The following HKDC1 variants were observed in gnomAD, a reference collection of about 807,000 sequenced individuals.
The protein encoded by HKDC1 is hexokinase domain containing 1.
HKDC1 carries 66 observed loss-of-function variants against 96.6 expected under a neutral mutation model. The observed-to-expected ratio is 0.68, with a 90% CI of 0.56 to 0.84. HKDC1 has a LOEUF of 0.84. HKDC1 is among the 40% of genes least tolerant of loss of function. The pLI, the probability that HKDC1 is intolerant of heterozygous loss-of-function variation, is 0.00. For synonymous variants in HKDC1, 466 were observed against 473.1 expected, an observed-to-expected ratio of 0.98 and a Z score of 0.20; for missense variants, 1,211 against 1,208.1, an observed-to-expected ratio of 1.00 and a Z score of -0.04.
intron 2 of HKDC1, among the ~76,000 whole-genome samples, chr10:69,232,183 G>A (rs988559574): frequency 1.3e-5 from 2 of 152,184 alleles, no homozygotes; most frequent in African/African-American, 4.8e-5. Context: ...GGCTGGGCTG[G>A]GTTGTGTTCC....
intron 5 of HKDC1, 53 bp from the exon 6 acceptor site, chr10:69,240,599 A>G: frequency 7.0e-7 from 1 of 1,420,132 alleles, no homozygotes; most frequent in Non-Finnish European, 9.9e-7. Flanking sequence ...GGAAGGAGGG[A>G]GGGAAACACC....
At chr10:69,248,387 A>G in intron 9 of HKDC1, 37 bp from the exon 10 acceptor site, 1 of 1,526,486 alleles carries the variant, frequency 6.6e-7, no homozygotes, top group Non-Finnish European at 8.8e-7. Flanking sequence ...CCTGGCCTTT[A>G]TGATTGCTAA....
intron 2 of HKDC1, chr10:69,232,488 T>G: frequency 1.1e-5 from 5 of 450,146 alleles, no homozygotes; most frequent in Non-Finnish European, 1.6e-5. Flanking sequence ...TGTGCTCACA[T>G]TTGCCCTCTC....
intron 12 of HKDC1, among the ~76,000 whole-genome samples, chr10:69,255,404 C>CT (rs1245341567): frequency 1.3e-5 from 2 of 152,170 alleles, no homozygotes; most frequent in Non-Finnish European, 1.5e-5. Flanking sequence ...GGCTTGTGGG[C>CT]TAACAGCCTC....
intron 1 of HKDC1, among the ~76,000 whole-genome samples, chr10:69,221,104 C>G (rs1336348036): frequency 6.6e-6 from 1 of 151,940 alleles, no homozygotes; most frequent in Non-Finnish European, 1.5e-5. Context: ...GAGCCGAGAT[C>G]GCGCCATTGC....
rs1476599749 is a variant in HKDC1 at position 69,227,354 on chromosome 10, A to G, written c.211A>G (p.Ile71Val). ...GATGTTGCCCACCTTCGTCAGGGCC[A>G]TTCCCGATGGTTCCGGTGAGTGCAG... ...VKMLPTFVRA[I>V]PDGSENGEFL... is the part of the protein sequence containing the mutation. The change falls in exon 2 of 18, where the codon ATT becomes GTT. Residue 71 changes from isoleucine to valine, a missense_variant. Ile to Val is a conservative substitution (Grantham distance 29, BLOSUM62 3). Transcript: ENST00000354624. 1 of 1,614,062 alleles carries G rather than the reference A, an allele frequency of 6.2e-7. No individual in the cohort carries two copies. The highest frequency in any genetic ancestry group is 2.2e-5 in the East Asian group (1 of 44,890).
chr10:69,255,557 C>T (rs962850417), intron 12 of HKDC1, among the ~76,000 whole-genome samples: 9 of 152,134 alleles, frequency 5.9e-5, no homozygotes, highest in African/African-American at 1.2e-4. Context: ...TGATGGAGTG[C>T]GAGGCTAGAC....
At chr10:69,223,207 G>T (rs978865108) in intron 1 of HKDC1, 1 of 152,202 alleles carries the variant, frequency 6.6e-6, no homozygotes, top group Non-Finnish European at 1.5e-5. Context: ...GAGGTTTTCA[G>T]TGTGTATTTT....
intron 4 of HKDC1, among the ~76,000 whole-genome samples, chr10:69,234,401 T>G (rs946122175): frequency 1.3e-5 from 2 of 152,234 alleles, no homozygotes; most frequent in Admixed American, 1.3e-4. Context: ...TGTTTTCTCT[T>G]TGAGAAAATT....
chr10:69,259,350 A>G (rs1046913219), intron 15 of HKDC1, among the ~76,000 whole-genome samples: 6 of 152,176 alleles, frequency 3.9e-5, no homozygotes, highest in African/African-American at 1.4e-4. Flanking sequence ...GGGAGTGGGG[A>G]AGTGGCCACC....
chr10:69,250,547 T>C lies in HKDC1; in HGVS notation c.1731T>C (p.Ile577=), dbSNP rs1410083034. The C allele has an allele frequency of 1.2e-6, 2 of 1,613,970 alleles. No individual in the cohort carries two copies. The highest frequency in any genetic ancestry group is 2.2e-5 in the East Asian group (1 of 44,890). ...TCTCTCTGCAGCTCTTTGATCACAT[T>C]GTGCAGTGCATCGCCGACTTCCTGG... ...QGTGEELFDH[I]VQCIADFLDY... The change falls in exon 12 of 18, where the codon ATT becomes ATC. Residue 577 remains isoleucine (I), a synonymous_variant. Transcript: ENST00000354624.
chr10:69,239,276 A>G, intron 5 of HKDC1, 139 bp downstream of exon 5: 1 of 610,688 alleles, frequency 1.6e-6, no homozygotes, highest in Non-Finnish European at 2.9e-6. Flanking sequence ...TGATCTTAGA[A>G]AAGGTCCCAC....
intron 17 of HKDC1, 77 bp downstream of exon 17, chr10:69,265,895 G>A (rs1843891209): frequency 3.9e-6 from 4 of 1,025,992 alleles, no homozygotes; most frequent in Non-Finnish European, 5.9e-6. Flanking sequence ...ATAGCCTCCT[G>A]AACTGCGGCA....
At chr10:69,253,548 A>G (rs552518240) in intron 12 of HKDC1, among the ~76,000 whole-genome samples, 1 of 152,296 alleles carries the variant, frequency 6.6e-6, no homozygotes, top group East Asian at 1.9e-4. Flanking sequence ...AGATTATTTA[A>G]CTTCTCTGAG....
At position 69,250,108 on chromosome 10, in the gene HKDC1, C is replaced by T. The variant is rs980041288; in HGVS notation, c.1571-182C>T. 7.2e-5 allele frequency among the ~76,000 whole-genome samples: 11 copies of T among 152,164 alleles called. No individual in the cohort carries two copies. The East Asian group carries it at 7.7e-4, about 11-fold the overall frequency. On this transcript the variant is annotated intron_variant, in intron 10 of 17. Transcript: ENST00000354624. ...GGCCAAGGAAAGCAGCCTGGCCTCA[C>T]GCAGGCTCAAGATGCCTGCCCGGGG...
intron 2 of HKDC1, among the ~76,000 whole-genome samples, chr10:69,228,826 A>T (rs1015834943): frequency 1.3e-5 from 2 of 152,032 alleles, no homozygotes; most frequent in African/African-American, 4.8e-5. Flanking sequence ...AGATTGCGCC[A>T]CTGCACTCCA....
At position 69,231,147 on chromosome 10, in the gene HKDC1, C is replaced by A. The variant is rs1843254223; in HGVS notation, c.227-1617C>A. Among the ~76,000 whole-genome samples, 6 of 152,330 alleles carry A rather than the reference C, an allele frequency of 3.9e-5. 1 individual carries two copies. In the South Asian group the frequency reaches 1.2e-3, roughly 32 times the overall value. On this transcript the variant is annotated intron_variant, in intron 2 of 17. Coordinates refer to ENST00000354624, the MANE Select transcript of HKDC1 (RefSeq NM_025130.4). ...GGAGTGGGATGCCTCCACACCGACACTGGCCAGGTCTCAGCACATCCCCTC... is the reference window on the plus strand; with the variant it reads ...GGAGTGGGATGCCTCCACACCGACAATGGCCAGGTCTCAGCACATCCCCTC...
At chr10:69,262,056 A>C (rs1292520972) in intron 16 of HKDC1, 1 of 426,058 alleles carries the variant, frequency 2.3e-6, no homozygotes, top group Non-Finnish European at 4.7e-6. Context: ...TCTTTCTTTT[A>C]GGATGTTATC....
chr10:69,246,446 G>C (rs927869078), intron 8 of HKDC1, among the ~76,000 whole-genome samples: 8 of 152,244 alleles, frequency 5.3e-5, no homozygotes, highest in Non-Finnish European at 1.0e-4. Flanking sequence ...GGACTCTGCT[G>C]TCAGAGGGCC....
Sources: gnomAD v4.1 joint callset for allele counts (sites outside exome capture counted in the v4.1 genomes callset) on GRCh38, gnomAD v4.1.1 for gene constraint, MANE v1.5 for transcripts, NCBI Gene and HGNC (gene_info 2026-07-23, HGNC 2026-07-21) for gene names.